Variants in NFU1 observed in about 807,000 individuals in gnomAD.
NFU1 encodes the protein NFU1 iron-sulfur cluster scaffold, also known as NFU1 iron-sulfur cluster scaffold homolog, mitochondrial.
A neutral mutation model predicts 32.2 loss-of-function variants in NFU1; 30 were observed. The observed-to-expected ratio is 0.93, with a 90% CI of 0.70 to 1.26. The LOEUF (loss-of-function observed/expected upper bound fraction) is 1.26, where lower values mean the gene tolerates loss of function less well. Among genes scored for constraint, NFU1 ranks in the 50% most tolerant of loss-of-function variants. The pLI is 0.00. For synonymous variants in NFU1, 112 were observed against 104.6 expected (o/e 1.07, Z -0.43); for missense variants, 306 against 306.6 (o/e 1.00, Z 0.02).
chr2:69,398,601 G>A (rs1318810222), intron 7 of NFU1, among the ~76,000 whole-genome samples: 1 of 152,216 alleles, frequency 6.6e-6, no homozygotes, highest in African/African-American at 2.4e-5. Flanking sequence ...GCCTTTTCCA[G>A]AGGGGCTGAC....
At chr2:69,402,482 C>A (rs1460321753) in intron 6 of NFU1, among the ~76,000 whole-genome samples, 1 of 152,218 alleles carries the variant, frequency 6.6e-6, no homozygotes, top group African/African-American at 2.4e-5. Context: ...GCACAAGCCA[C>A]TGTGCCCAGC....
At chr2:69,397,785 G>A (rs558340183) in intron 7 of NFU1, among the ~76,000 whole-genome samples, 9 of 151,576 alleles carry the variant, frequency 5.9e-5, no homozygotes, top group South Asian at 4.2e-4. Context: ...GTGGTGGCGC[G>A]CGCCTGTAAT....
chr2:69,437,749 C>T (rs1004823509), upstream of NFU1: 61 of 471,132 alleles, frequency 1.3e-4, no homozygotes, highest in Middle Eastern at 6.1e-4. Context: ...AATGCTGTTT[C>T]CAGCCCCTAA....
chr2:69,420,152 C>T (rs1340323225), intron 3 of NFU1, among the ~76,000 whole-genome samples: 1 of 151,936 alleles, frequency 6.6e-6, no homozygotes, highest in Non-Finnish European at 1.5e-5. Flanking sequence ...ATTACAGGCG[C>T]CCACCACCAC....
chr2:69,437,292 A>C (rs186581602), intron 1 of NFU1, 69 bp downstream of exon 1: 3 of 1,550,650 alleles, frequency 1.9e-6, no homozygotes, highest in African/African-American at 2.7e-5. Context: ...GAGGGTCTGC[A>C]AGGCGGCGAC....
chr2:69,407,938 A>AGGAGGT (rs1161688746), intron 5 of NFU1, among the ~76,000 whole-genome samples: 1 of 151,094 alleles, frequency 6.6e-6, no homozygotes, highest in Non-Finnish European at 1.5e-5. Context: ...GCTTGAACCC[A>AGGAGGT]GGAGGTGGAG....
chr2:69,423,525 C>T (rs1673336485), intron 3 of NFU1, 57 bp downstream of exon 3: 1 of 1,536,078 alleles, frequency 6.5e-7, no homozygotes, highest in African/African-American at 1.4e-5. Flanking sequence ...GTCTTAACCC[C>T]AAAGTCAGTT....
intron 6 of NFU1, among the ~76,000 whole-genome samples, chr2:69,405,666 G>A (rs1672671682): frequency 6.6e-6 from 1 of 152,054 alleles, no homozygotes. Context: ...ATTCTGTATG[G>A]GCAATATACT....
At chr2:69,432,600 T>C (rs1049369992) in intron 1 of NFU1, among the ~76,000 whole-genome samples, 45 of 152,026 alleles carry the variant, frequency 3.0e-4, no homozygotes, top group Middle Eastern at 6.8e-3. Context: ...CAGAATTGTA[T>C]CTACATTAGT....
chr2:69,406,632 G>T (rs1194247605), intron 5 of NFU1, among the ~76,000 whole-genome samples: 1 of 152,152 alleles, frequency 6.6e-6, no homozygotes. Context: ...GTGCAGTGGG[G>T]TGATCACAGC....
At chr2:69,423,862 AT>A in intron 2 of NFU1, 145 bp from the exon 3 acceptor site, 1 of 676,658 alleles carries the variant, frequency 1.5e-6, no homozygotes, top group South Asian at 1.8e-5. Context: ...CAAAGCATTT[AT>A]AAGGATAAGA....
chr2:69,396,576 C>G (rs1672341807), intron 7 of NFU1, among the ~76,000 whole-genome samples: 1 of 150,530 alleles, frequency 6.6e-6, no homozygotes, highest in Non-Finnish European at 1.5e-5. Flanking sequence ...TGGCGTGAAC[C>G]TGGGAAGCAG....
At chr2:69,418,813 C>G (rs1673145426) in intron 4 of NFU1, among the ~76,000 whole-genome samples, 1 of 152,116 alleles carries the variant, frequency 6.6e-6, no homozygotes, top group African/African-American at 2.4e-5. Context: ...CAGACTAATC[C>G]TTTCAATTTG....
chr2:69,402,648 C>T (rs1189803988), intron 6 of NFU1, among the ~76,000 whole-genome samples: 9 of 152,038 alleles, frequency 5.9e-5, no homozygotes, highest in Non-Finnish European at 5.9e-5. Flanking sequence ...ATGGCTCGAT[C>T]TCGGCTCACT....
intron 3 of NFU1, among the ~76,000 whole-genome samples, chr2:69,422,446 G>C (rs1284127865): frequency 6.6e-6 from 1 of 152,114 alleles, no homozygotes; most frequent in African/African-American, 2.4e-5. Context: ...CCACTGACTA[G>C]TTTTCATTTA....
chr2:69,421,718 C>CTG (rs1257325553), intron 3 of NFU1, among the ~76,000 whole-genome samples: 2 of 151,952 alleles, frequency 1.3e-5, no homozygotes, highest in Non-Finnish European at 2.9e-5. Context: ...CAGGCGCCCG[C>CTG]CACCACATCC....
At chr2:69,408,259 T>C (rs1019201661) in intron 5 of NFU1, among the ~76,000 whole-genome samples, 1 of 152,176 alleles carries the variant, frequency 6.6e-6, no homozygotes, top group African/African-American at 2.4e-5. Flanking sequence ...GTGTAATATA[T>C]CTTGAAGGTC....
At chr2:69,430,766 G>C (rs1455052972) in intron 2 of NFU1, among the ~76,000 whole-genome samples, 1 of 152,208 alleles carries the variant, frequency 6.6e-6, no homozygotes, top group Admixed American at 6.5e-5. Flanking sequence ...CAAGCAGTCA[G>C]GCAAGCCTGC....
At chr2:69,437,615 G>T, upstream of NFU1, 1 of 700,872 alleles carries the variant, frequency 1.4e-6, no homozygotes, top group Non-Finnish European at 2.5e-6. Flanking sequence ...AAGAGAGGCC[G>T]GGGAACCTTT....
Sources: gnomAD v4.1 joint callset for allele counts (sites outside exome capture counted in the v4.1 genomes callset) on GRCh38, gnomAD v4.1.1 for gene constraint, MANE v1.5 for transcripts, NCBI Gene and HGNC (gene_info 2026-07-23, HGNC 2026-07-21) for gene names.